FANK1: variants seen among roughly 807,000 people sequenced by gnomAD.
FANK1 encodes fibronectin type 3 and ankyrin repeat domains protein 1.
A neutral mutation model predicts 45.3 loss-of-function variants in FANK1; 44 were observed. The ratio of observed to expected loss-of-function variants is 0.97; its 90% CI spans 0.76 to 1.25. The LOEUF is 1.25. Among genes scored for constraint, FANK1 ranks in the 50% most tolerant of loss-of-function variants. The pLI is 0.00. For synonymous variants in FANK1, 149 were observed against 152.5 expected, an observed-to-expected ratio of 0.98 and a Z score of 0.17; for missense variants, 391 against 424.4, an observed-to-expected ratio of 0.92 and a Z score of 0.69.
chr10:125,908,972 C>T (rs1381185302), intron 1 of FANK1, among the ~76,000 whole-genome samples: 1 of 152,268 alleles, frequency 6.6e-6, no homozygotes. Context: ...CTGTCTTGGT[C>T]AATATGTTGA....
chr10:125,910,801 G>A lies in FANK1; in HGVS notation c.13+14146G>A, dbSNP rs577452215. On this transcript the variant is annotated intron_variant, in intron 1 of 10. Transcript: ENST00000368693. ...TGTAATCCCAGCACTTTGGGAGGCC[G>A]AGGTGGGCGGATCATGAGGTTAGGA... Among the ~76,000 whole-genome samples the A allele has an allele frequency of 5.3e-5, 8 of 152,232 alleles. No individual in the cohort carries two copies. The South Asian group carries it at 6.2e-4, about 12-fold the overall frequency.
At chr10:125,902,383 C>CTTA (rs1298441185) in intron 1 of FANK1, among the ~76,000 whole-genome samples, 2 of 152,226 alleles carry the variant, frequency 1.3e-5, no homozygotes, top group Admixed American at 1.3e-4. Flanking sequence ...AAACCCTAAA[C>CTTA]ATTCATGGAA....
rs778394380 is a variant in FANK1, at chr10:125,997,468, T to C, written c.522T>C (p.Asn174=). The part of the protein sequence containing the change: ...VSNGTDVNLK[N]GSGKDSLMLA... The stretch of plus-strand genomic sequence containing the variant: ...ATGGCACAGACGTGAATCTGAAGAA[T>C]GGAAGTGGCAAGGACAGGTAGGAGG... The change falls in exon 6 of 11, where the codon AAT becomes AAC. Residue 174 remains asparagine, a synonymous_variant. Coordinates refer to ENST00000368693, the MANE Select transcript of FANK1 (RefSeq NM_145235.5). 6.2e-7 allele frequency: 1 copy of C among 1,614,016 alleles called. No individual in the cohort carries two copies. Among genetic ancestry groups the C allele is most frequent in the South Asian group, 1.1e-5 (1 of 91,074 alleles).
intron 2 of FANK1, among the ~76,000 whole-genome samples, chr10:125,985,257 C>A (rs535092195): frequency 8.5e-5 from 13 of 152,318 alleles, no homozygotes; most frequent in African/African-American, 3.1e-4. Flanking sequence ...TCTGGTGAGG[C>A]TTGGCTATTA....
rs1422141754 is a variant in FANK1 at position 125,960,406 on chromosome 10, T to C, written c.14-19755T>C. 1.6e-5 allele frequency: 3 copies of C among 191,598 alleles called. No homozygotes were observed. In the East Asian group the frequency reaches 4.5e-4, roughly 29 times the overall value. The allele number at this position is 191,598 out of a possible 1,614,324, so 11.9% of individuals were successfully genotyped here. On this transcript the variant is annotated intron_variant, in intron 1 of 10. Transcript: ENST00000368693. ...GCACTCTTGCTGGCCCTGGAAGACA[T>C]GGTAGCAGCAGTGTGCTCCAAGGGT...
At chr10:125,980,473 T>C (rs1951132786) in intron 2 of FANK1, 135 bp downstream of exon 2, 3 of 1,055,850 alleles carry the variant, frequency 2.8e-6, no homozygotes, top group African/African-American at 3.2e-5. Context: ...CATGCTCTTT[T>C]ATGAATTACA....
chr10:125,948,417 A>G (rs921410054), intron 1 of FANK1, among the ~76,000 whole-genome samples: 8 of 152,218 alleles, frequency 5.3e-5, no homozygotes, highest in African/African-American at 1.9e-4. Flanking sequence ...ACAATAAAAA[A>G]TAATAAAGGG....
intron 3 of FANK1, chr10:125,989,255 T>C (rs150362757): frequency 6.5e-7 from 1 of 1,545,330 alleles, no homozygotes; most frequent in African/African-American, 1.4e-5. Context: ...TTTTAAAGCA[T>C]TTTAAAGATG....
chr10:125,936,180 AT>A (rs1442878663), intron 1 of FANK1, among the ~76,000 whole-genome samples: 3 of 152,200 alleles, frequency 2.0e-5, no homozygotes, highest in Non-Finnish European at 2.9e-5. Context: ...TAAGGCTATA[AT>A]TTTGACCTAA....
intron 6 of FANK1, among the ~76,000 whole-genome samples, chr10:125,999,765 G>A (rs1952621836): frequency 6.6e-6 from 1 of 152,118 alleles, no homozygotes; most frequent in Admixed American, 6.5e-5. Context: ...TAGCTTGTAG[G>A]CATTTAATGA....
chr10:125,910,909 C>G (rs2134114637), intron 1 of FANK1, among the ~76,000 whole-genome samples: 1 of 152,134 alleles, frequency 6.6e-6, no homozygotes, highest in African/African-American at 2.4e-5. Context: ...TGGCATGTGC[C>G]TGTAGTTCCA....
intron 1 of FANK1, among the ~76,000 whole-genome samples, chr10:125,956,360 T>C (rs1949578888): frequency 6.6e-6 from 1 of 152,212 alleles, no homozygotes; most frequent in South Asian, 2.1e-4. Context: ...ATATGATTTA[T>C]TGGAGATATC....
chr10:125,942,299 GGATT>G (rs1276081905), intron 1 of FANK1, among the ~76,000 whole-genome samples: 1 of 152,176 alleles, frequency 6.6e-6, no homozygotes, highest in Non-Finnish European at 1.5e-5. Context: ...TATTCTCGAT[GGATT>G]GATAGGTGCA....
At position 125,950,672 on chromosome 10, in the gene FANK1, G is replaced by C. The variant is rs540670311; in HGVS notation, c.14-29489G>C. Among the ~76,000 whole-genome samples the C allele has an allele frequency of 1.8e-4, 28 of 152,232 alleles. 1 individual carries two copies. The South Asian group carries it at 5.6e-3, about 30-fold the overall frequency. Reference sequence around the variant, plus strand: ...ACTGTAAACTAGTTCAACCATTATGGAAGTCAGTGTGGCGATTCCTCAGGG... The same window carrying C: ...ACTGTAAACTAGTTCAACCATTATGCAAGTCAGTGTGGCGATTCCTCAGGG... On this transcript the variant is annotated intron_variant, in intron 1 of 10. Transcript: ENST00000368693.
At chr10:125,994,803 G>C in intron 3 of FANK1, 1 of 985,232 alleles carries the variant, frequency 1.0e-6, no homozygotes, top group Non-Finnish European at 1.2e-6. Flanking sequence ...CTCCTCCCCG[G>C]CTGTGGCCCA....
chr10:125,913,536 T>TA (rs1238928929), intron 1 of FANK1, among the ~76,000 whole-genome samples: 1 of 152,196 alleles, frequency 6.6e-6, no homozygotes, highest in African/African-American at 2.4e-5. Context: ...CTGTTTCTCT[T>TA]AAAAGTTCTC....
At chr10:125,994,441 T>C (rs1227506668) in intron 3 of FANK1, 2 of 985,184 alleles carry the variant, frequency 2.0e-6, no homozygotes, top group Non-Finnish European at 2.4e-6. Context: ...AAACTCAAAC[T>C]CTTGCCGTTT....
At chr10:126,000,172 T>C (rs1359300013) in intron 6 of FANK1, among the ~76,000 whole-genome samples, 1 of 152,196 alleles carries the variant, frequency 6.6e-6, no homozygotes, top group Non-Finnish European at 1.5e-5. Context: ...TTGACTATTA[T>C]ACAATTTTTA....
At chr10:125,931,444 G>A (rs1209460047) in intron 1 of FANK1, among the ~76,000 whole-genome samples, 1 of 152,182 alleles carries the variant, frequency 6.6e-6, no homozygotes, top group Admixed American at 6.5e-5. Flanking sequence ...TTGTGGTTTT[G>A]ATCTGCATTT....
Sources: allele counts gnomAD v4.1 joint callset (sites outside exome capture counted in the v4.1 genomes callset), GRCh38; gene constraint gnomAD v4.1.1; transcripts MANE v1.5; gene names NCBI Gene and HGNC (gene_info 2026-07-23, HGNC 2026-07-21).